UVRAG: variants seen among roughly 807,000 people sequenced by gnomAD.
UVRAG encodes UV radiation resistance-associated gene protein.
A neutral mutation model predicts 78.0 loss-of-function variants in UVRAG; 19 were observed. That is an observed-to-expected ratio of 0.24 (90% confidence interval 0.17 to 0.36). The LOEUF is 0.36. UVRAG is among the 10% of genes least tolerant of loss of function. The pLI, the probability that UVRAG is intolerant of heterozygous loss-of-function variation, is 1.00. For missense variants in UVRAG, 740 were observed against 853.8 expected (o/e 0.87, Z 1.66); for synonymous variants, 323 against 324.6 (o/e 1.00, Z 0.05).
intron 12 of UVRAG, among the ~76,000 whole-genome samples, chr11:76,057,761 C>T (rs1229102703): frequency 1.3e-5 from 2 of 151,870 alleles, no homozygotes; most frequent in African/African-American, 4.8e-5. Context: ...AAAACATGGT[C>T]CTTTTTACTC....
chr11:75,873,279 A>G lies in UVRAG; in HGVS notation c.271-6600A>G, dbSNP rs146290937. The stretch of plus-strand genomic sequence containing the variant: ...CTATGCTTTCTGGTCTTGGCCTTAA[A>G]TTTAATATTTTTGACCCCAAAGTGA... On this transcript the variant is annotated intron_variant, in intron 3 of 14. Coordinates refer to ENST00000356136, the MANE Select transcript of UVRAG (RefSeq NM_003369.4). 2.9e-3 allele frequency among the ~76,000 whole-genome samples: 444 copies of G among 152,244 alleles called. 4 individuals are homozygous for G. The highest frequency in any genetic ancestry group is 1.0e-2 in the African/African-American group (415 of 41,534).
At chr11:75,883,772 A>G (rs755557471) in intron 4 of UVRAG, among the ~76,000 whole-genome samples, 3 of 152,240 alleles carry the variant, frequency 2.0e-5, no homozygotes, top group Admixed American at 6.5e-5. Flanking sequence ...ACTTCTGAAT[A>G]AAGTATTTTT....
chr11:75,889,876 GC>G (rs1382192459), intron 5 of UVRAG, among the ~76,000 whole-genome samples: 1 of 152,152 alleles, frequency 6.6e-6, no homozygotes, highest in Non-Finnish European at 1.5e-5. Flanking sequence ...TATAATGAGG[GC>G]CTAACCTATT....
At chr11:76,048,035 A>G (rs1266607452) in intron 12 of UVRAG, among the ~76,000 whole-genome samples, 3 of 152,252 alleles carry the variant, frequency 2.0e-5, no homozygotes, top group African/African-American at 4.8e-5. Context: ...TTGAGACACA[A>G]GTTTGTATTA....
chr11:76,103,411 G>A (rs775624007), intron 13 of UVRAG, among the ~76,000 whole-genome samples: 1 of 151,838 alleles, frequency 6.6e-6, no homozygotes, highest in Non-Finnish European at 1.5e-5. Flanking sequence ...CACCTTTCAC[G>A]TATATTTATT....
At chr11:75,953,467 A>G (rs886191061) in intron 6 of UVRAG, among the ~76,000 whole-genome samples, 6 of 151,902 alleles carry the variant, frequency 3.9e-5, no homozygotes, top group African/African-American at 1.2e-4. Context: ...TCTTTCCTGT[A>G]TTTCTTCTCC....
At chr11:76,140,563 A>G in intron 14 of UVRAG, 148 bp from the exon 15 acceptor site, 1 of 803,008 alleles carries the variant, frequency 1.2e-6, no homozygotes, top group Non-Finnish European at 1.8e-6. Flanking sequence ...TTTTGCATTG[A>G]GACACTGCAA....
chr11:75,981,658 T>C (rs1023205535), intron 7 of UVRAG, among the ~76,000 whole-genome samples: 1 of 152,088 alleles, frequency 6.6e-6, no homozygotes, highest in African/African-American at 2.4e-5. Flanking sequence ...TCTGTTTCTC[T>C]TTTCTTTCTA....
At chr11:76,017,660 G>A (rs759134557) in intron 12 of UVRAG, among the ~76,000 whole-genome samples, 6 of 152,064 alleles carry the variant, frequency 3.9e-5, no homozygotes, top group Non-Finnish European at 5.9e-5. Flanking sequence ...AGACATGATA[G>A]CATGAAAAGA....
intron 5 of UVRAG, among the ~76,000 whole-genome samples, chr11:75,904,466 A>G (rs1206708980): frequency 6.6e-6 from 1 of 152,246 alleles, no homozygotes; most frequent in Non-Finnish European, 1.5e-5. Context: ...TGGTGAAGTT[A>G]GATGTCATTC....
At chr11:75,962,645 T>C (rs940534917) in intron 7 of UVRAG, among the ~76,000 whole-genome samples, 54 of 152,134 alleles carry the variant, frequency 3.5e-4, no homozygotes, top group African/African-American at 1.3e-3. Context: ...TTAAACCACC[T>C]CTTGTTGTAA....
chr11:75,964,129 A>G (rs941528065), intron 7 of UVRAG, among the ~76,000 whole-genome samples: 2 of 152,164 alleles, frequency 1.3e-5, no homozygotes, highest in Non-Finnish European at 2.9e-5. Context: ...TTTAATGCTC[A>G]TTACTGGATT....
At chr11:75,999,470 C>T (rs1250430148) in intron 8 of UVRAG, among the ~76,000 whole-genome samples, 2 of 151,824 alleles carry the variant, frequency 1.3e-5, no homozygotes, top group Non-Finnish European at 2.9e-5. Context: ...GCAACCTCCA[C>T]CTCCTGGGTT....
intron 12 of UVRAG, 125 bp downstream of exon 12, chr11:76,017,105 C>T (rs1450348373): frequency 6.8e-6 from 4 of 584,144 alleles, no homozygotes; most frequent in African/African-American, 1.9e-5. Flanking sequence ...TAGAGTGCCT[C>T]ATTCATTTAA....
At chr11:75,831,378 C>T (rs1205020451) in intron 1 of UVRAG, among the ~76,000 whole-genome samples, 1 of 152,006 alleles carries the variant, frequency 6.6e-6, no homozygotes, top group Non-Finnish European at 1.5e-5. Context: ...ATCCCAGCTA[C>T]TTGGGAGGCC....
At chr11:75,849,992 TA>T (rs1946119329) in intron 1 of UVRAG, among the ~76,000 whole-genome samples, 1 of 151,954 alleles carries the variant, frequency 6.6e-6, no homozygotes, top group Admixed American at 6.5e-5. Flanking sequence ...AGGACCCACA[TA>T]CCCCCAGAGG....
rs372725086 is a variant in UVRAG at position 76,141,346 on chromosome 11, G to A, written c.2033G>A (p.Arg678Gln). Residue 678 changes from arginine to glutamine, a missense_variant, in exon 15 of 15, where the codon CGA (arginine) becomes CAA (glutamine). Physicochemically the swap from Arg to Gln is conservative, Grantham distance 43. Coordinates refer to ENST00000356136, the MANE Select transcript of UVRAG (RefSeq NM_003369.4). ...CTGGGAGAATTTGAAGAGTTCTCCCGAAGGATCTATGCACTGAATGAAAAC... is the reference window on the plus strand; with the variant it reads ...CTGGGAGAATTTGAAGAGTTCTCCCAAAGGATCTATGCACTGAATGAAAAC... ...QVLGEFEEFS[R>Q]RIYALNENVS... The A allele has an allele frequency of 5.8e-5, 93 of 1,614,104 alleles. No individual in the cohort carries two copies. Among genetic ancestry groups the A allele is most frequent in the Non-Finnish European group, 7.1e-5 (84 of 1,180,058 alleles).
intron 3 of UVRAG, among the ~76,000 whole-genome samples, chr11:75,867,659 C>T (rs944549832): frequency 6.6e-6 from 1 of 152,132 alleles, no homozygotes; most frequent in African/African-American, 2.4e-5. Context: ...AGTGGAATTG[C>T]TAGGAATATG....
At chr11:76,113,452 ATAT>A (rs766664415) in intron 13 of UVRAG, among the ~76,000 whole-genome samples, 1 of 152,176 alleles carries the variant, frequency 6.6e-6, no homozygotes, top group Non-Finnish European at 1.5e-5. Context: ...TAATATAAGC[ATAT>A]TATTCAGAAA....
Sources: gnomAD v4.1 joint callset for allele counts (sites outside exome capture counted in the v4.1 genomes callset) on GRCh38, gnomAD v4.1.1 for gene constraint, MANE v1.5 for transcripts, NCBI Gene and HGNC (gene_info 2026-07-23, HGNC 2026-07-21) for gene names.